BEND2: variants seen among roughly 807,000 people sequenced by gnomAD.
BEND2 encodes BEN domain-containing protein 2.
In BEND2, 19 loss-of-function variants were observed where a neutral mutation model predicts 43.8. The observed-to-expected ratio is 0.43, with a 90% CI of 0.30 to 0.64. The LOEUF (loss-of-function observed/expected upper bound fraction) is 0.64. Ranked by LOEUF, BEND2 falls within the 30% of genes least tolerant of loss-of-function variation. BEND2 has a pLI of 0.11. For synonymous variants in BEND2, 226 were observed against 210.1 expected (o/e 1.08, Z -0.66); for missense variants, 544 against 574.0 (o/e 0.95, Z 0.53).
intron 10 of BEND2, among the ~76,000 whole-genome samples, chrX:18,176,325 C>G (rs1428732408): frequency 7.2e-5 from 7 of 97,519 alleles, no homozygotes; most frequent in African/African-American, 1.6e-4. Context: ...ATGAGATCCC[C>G]TAAAACACTG....
chrX:18,171,164 A>C lies in BEND2; in HGVS notation c.2022T>G (p.Cys674Trp), dbSNP rs768648537. The C allele has an allele frequency of 1.1e-5, 13 of 1,209,512 alleles. No homozygotes were observed. Among genetic ancestry groups the C allele is most frequent in the Non-Finnish European group, 1.3e-5 (12 of 893,079 alleles). ...GRPWRNIRMP[C>W]SVLTLAKTKS... is the part of the protein sequence containing the mutation. ...TAGTTTTTGCCAAAGTCAGTACTGA[A>C]CATGGCATCCGTATATTTCTCCATG... is the stretch of plus-strand genomic sequence containing the variant. The change falls in exon 13 of 14, where the codon TGT (cysteine) becomes TGG (tryptophan). Residue 674 changes from cysteine (C) to tryptophan (W), a missense_variant. Transcript: ENST00000380033.
chrX:18,190,202 C>T (rs1924716824), intron 8 of BEND2, among the ~76,000 whole-genome samples: 1 of 111,633 alleles, frequency 9.0e-6, no homozygotes, highest in Admixed American at 9.6e-5. Context: ...AATATACCAC[C>T]CAGCAGTTAA....
rs1924143963 is a variant in BEND2, at chrX:18,176,151, A to G, written c.1631-58T>C. On this transcript the variant is annotated intron_variant, in intron 10 of 13. Coordinates refer to ENST00000380033, the MANE Select transcript of BEND2 (RefSeq NM_153346.5). Reference sequence around the variant, plus strand: ...GAAAAAAAAATTAACAAACTAATGAAAAATTTTTTTCTTTAAACACTGACT... The same window carrying G: ...GAAAAAAAAATTAACAAACTAATGAGAAATTTTTTTCTTTAAACACTGACT... 4 of 1,112,734 alleles carry G rather than the reference A, an allele frequency of 3.6e-6. No individual in the cohort carries two copies. The South Asian group carries it at 6.9e-5, about 19-fold the overall frequency. The allele number at this position is 1,112,734 out of a possible 1,213,427, so 91.7% of individuals were successfully genotyped here. A position where few individuals can be genotyped will look rare whatever the true frequency, so the allele number is the denominator to read the frequency against.
At position 18,185,555 on chromosome X, in the gene BEND2, A is replaced by G. The variant is rs947628408; in HGVS notation, c.1289-4905T>C. 3.9e-5 allele frequency among the ~76,000 whole-genome samples: 4 copies of G among 103,330 alleles called. No individual in the cohort carries two copies. In the Admixed American group the frequency reaches 4.4e-4, roughly 11 times the overall value. 89.7% of individuals were successfully genotyped at this position (103,330 alleles called of 115,157 possible). A position where few individuals can be genotyped will look rare whatever the true frequency, so the allele number is the denominator to read the frequency against. ...CAAAAATAATAATAATAATAATAAT[A>G]ATAATAATAATAATAATAATAACAG... On this transcript the variant is annotated intron_variant, in intron 8 of 13. Transcript: ENST00000380033.
rs771261243 is a variant in BEND2 at position 18,203,853 on chromosome X, A to C, written c.555T>G (p.Ala185=). Residue 185 remains alanine, a synonymous_variant, in exon 5 of 14, where the codon GCT becomes GCG. Transcript: ENST00000380033. ...ATGCTGCTGACTCAAGAGATGTTAC[A>C]GCAGGGCTGGCCCAGGCATGGGTTT... is the stretch of plus-strand genomic sequence containing the variant. ...RQETHAWASP[A]VTSLESAACH... The C allele has an allele frequency of 2.8e-5, 34 of 1,208,369 alleles. No individual in the cohort carries two copies. In the Middle Eastern group the frequency reaches 1.2e-3, roughly 41 times the overall value.
At position 18,198,597 on chromosome X, in the gene BEND2, G is replaced by T. The variant is rs776413577; in HGVS notation, c.1034-3155C>A. On this transcript the variant is annotated intron_variant, in intron 6 of 13. Transcript: ENST00000380033. ...GTGGAGAAATAAACACTTTTACACT[G>T]GTGGTGGGACTGGAAACTAGTTCAA... 2.9e-4 allele frequency among the ~76,000 whole-genome samples: 32 copies of T among 111,725 alleles called. No homozygotes were observed. In the South Asian group the frequency reaches 4.1e-3, roughly 14 times the overall value.
chrX:18,182,053 A>G (rs1347753405), intron 8 of BEND2, among the ~76,000 whole-genome samples: 1 of 112,067 alleles, frequency 8.9e-6, no homozygotes, highest in Non-Finnish European at 1.9e-5. Flanking sequence ...CTACAAATTC[A>G]ATAACATAAG....
chrX:18,190,764 T>TCACACACA (rs778233998), intron 8 of BEND2, among the ~76,000 whole-genome samples: 100 of 88,839 alleles, frequency 1.1e-3, no homozygotes, highest in Middle Eastern at 5.2e-3. Context: ...TCTCTCTCTC[T>TCACACACA]CTCACACACA....
intron 12 of BEND2, among the ~76,000 whole-genome samples, chrX:18,172,272 C>T (rs1923998470): frequency 9.0e-6 from 1 of 110,861 alleles, no homozygotes; most frequent in Admixed American, 9.6e-5. Context: ...TTTAATGGGT[C>T]CAAAGACTTA....
At chrX:18,166,389 TC>T (rs774891429) in intron 13 of BEND2, among the ~76,000 whole-genome samples, 4 of 111,741 alleles carry the variant, frequency 3.6e-5, no homozygotes, top group Non-Finnish European at 7.5e-5. Context: ...AATGCTACCC[TC>T]CGCAGCTAGT....
At chrX:18,188,585 T>A (rs1275698558) in intron 8 of BEND2, among the ~76,000 whole-genome samples, 2 of 110,468 alleles carry the variant, frequency 1.8e-5, no homozygotes, top group Admixed American at 1.9e-4. Flanking sequence ...CGTGAAGGAA[T>A]CCAAAACCTG....
At chrX:18,174,341 C>A in intron 11 of BEND2, 83 bp from the exon 12 acceptor site, 1 of 894,753 alleles carries the variant, frequency 1.1e-6, no homozygotes, top group Admixed American at 2.5e-5. Flanking sequence ...CCAGGCCCAC[C>A]AGGTTGCTAG....
chrX:18,165,023 C>T lies in BEND2; in HGVS notation c.2386G>A (p.Asp796Asn), dbSNP rs1275372557. 1 of 1,207,591 alleles carries T rather than the reference C, an allele frequency of 8.3e-7. No homozygotes were observed. The highest frequency in any genetic ancestry group is 2.2e-5 in the Admixed American group (1 of 45,697). Residue 796 changes from aspartate to asparagine, a missense_variant, in exon 14 of 14, where the codon GAC becomes AAC. Transcript: ENST00000380033. ...ESKPGDPDATDPST is the reference protein window; with the variant it reads ...ESKPGDPDATNPST Reference sequence around the variant, plus strand: ...GCAGCTGCCGTTCAGGTGCTTGGGTCAGTGGCGTCGGGATCTCCTGGCTTT... The same window carrying T: ...GCAGCTGCCGTTCAGGTGCTTGGGTTAGTGGCGTCGGGATCTCCTGGCTTT...
intron 8 of BEND2, among the ~76,000 whole-genome samples, chrX:18,186,881 C>G (rs1275526010): frequency 9.3e-6 from 1 of 107,665 alleles, no homozygotes; most frequent in African/African-American, 3.4e-5. Context: ...GTGGGAAGAT[C>G]GCTTGAGCCT....
intron 6 of BEND2, among the ~76,000 whole-genome samples, chrX:18,199,503 A>G (rs1271004800): frequency 1.8e-5 from 2 of 112,373 alleles, no homozygotes; most frequent in African/African-American, 6.5e-5. Flanking sequence ...ATCAATGCCA[A>G]TATCCTGGAT....
At chrX:18,201,728 G>A in intron 6 of BEND2, 87 bp downstream of exon 6, 1 of 1,017,525 alleles carries the variant, frequency 9.8e-7, no homozygotes, top group Non-Finnish European at 1.3e-6. Flanking sequence ...TCTGATGTCA[G>A]GTGATGCACC....
intron 12 of BEND2, 91 bp from the exon 13 acceptor site, chrX:18,171,295 C>A: frequency 1.0e-6 from 1 of 969,531 alleles, no homozygotes; most frequent in Non-Finnish European, 1.4e-6. Flanking sequence ...TGATTTTTCT[C>A]AATTGTTAGG....
At position 18,165,223 on chromosome X, in the gene BEND2, T is replaced by C; in HGVS notation, c.2186A>G (p.Glu729Gly). The C allele has an allele frequency of 8.4e-7, 1 of 1,196,417 alleles. No homozygotes were observed. The highest frequency in any genetic ancestry group is 1.1e-6 in the Non-Finnish European group (1 of 882,532). ...LDPNKISALR[E>G]FLQENYPICD... ...AATTGGGTAGTTTTCTTGGAGGAAC[T>C]CTGATGGTAAAGACCCAAGACATAA... Residue 729 changes from glutamate (E) to glycine (G), a missense_variant and splice_region_variant, in exon 14 of 14, where the codon GAG becomes GGG. This residue lies in a region of BEND2 where 43 missense variants were observed against 72.4 expected (regional missense o/e 0.59). Coordinates refer to ENST00000380033, the MANE Select transcript of BEND2 (RefSeq NM_153346.5).
At chrX:18,212,065 T>C (rs1409957695) in intron 4 of BEND2, among the ~76,000 whole-genome samples, 1 of 106,178 alleles carries the variant, frequency 9.4e-6, no homozygotes, top group African/African-American at 3.4e-5. Context: ...GGCCACTTTC[T>C]AGGGTGATGA....
Sources: gnomAD v4.1 joint callset for allele counts (sites outside exome capture counted in the v4.1 genomes callset) on GRCh38, gnomAD v4.1.1 for gene constraint, gnomAD v4.1.1 regional missense constraint, MANE v1.5 for transcripts, NCBI Gene and HGNC (gene_info 2026-07-23, HGNC 2026-07-21) for gene names.